ATP1A1: variants seen among roughly 807,000 people sequenced by gnomAD.
ATP1A1 encodes sodium/potassium-transporting ATPase subunit alpha-1.
Under a neutral mutation model 114.8 loss-of-function variants are expected in ATP1A1, and 14 were observed. That is an observed-to-expected ratio of 0.12 (90% CI 0.08 to 0.19). The LOEUF (loss-of-function observed/expected upper bound fraction) is 0.19, where lower values mean the gene tolerates loss of function less well. ATP1A1 is among the 10% of genes least tolerant of loss of function. The pLI is 1.00. For missense variants in ATP1A1, 524 were observed against 1,290.7 expected (o/e 0.41, Z 9.10); for synonymous variants, 471 against 466.3 (o/e 1.01, Z -0.13).
In ATP1A1 at chr1:116,388,446, A is replaced by G. The variant is rs927371555; in HGVS notation, c.502-192A>G. On this transcript the variant is annotated intron_variant, in intron 5 of 22. Coordinates refer to ENST00000295598, the MANE Select transcript of ATP1A1 (RefSeq NM_000701.8). This position sits in a 1 kb window ranked among gnomAD's most constrained non-coding sequence, Gnocchi z 5.6. Reference sequence around the variant, plus strand: ...TCTTTTGAATGTAAACTCTGAATACAGGCACACCATGTAACAGCAATATCT... The same window carrying G: ...TCTTTTGAATGTAAACTCTGAATACGGGCACACCATGTAACAGCAATATCT... 5.2e-6 allele frequency: 5 copies of G among 963,648 alleles called. No individual in the cohort carries two copies. The highest frequency in any genetic ancestry group is 7.6e-6 in the Non-Finnish European group (5 of 661,944). 59.7% of individuals were successfully genotyped at this position (963,648 alleles called of 1,614,324 possible).
chr1:116,402,082 C>T (rs921699241), intron 21 of ATP1A1: 1 of 166,870 alleles, frequency 6.0e-6, no homozygotes, highest in African/African-American at 2.4e-5. Context: ...ACTCTGAATA[C>T]TCTGCTCTCA....
Position 116,399,923 on chromosome 1 carries a change from TTGGA to T in ATP1A1, c.2572+385_2572+388del, listed in dbSNP as rs1403205044. Among the ~76,000 whole-genome samples, 3 of 152,166 alleles carry T rather than the reference TTGGA, an allele frequency of 2.0e-5. No homozygotes were observed. The highest frequency in any genetic ancestry group is 7.2e-5 in the African/African-American group (3 of 41,434). On this transcript the variant is annotated intron_variant, in intron 18 of 22. Transcript: ENST00000295598. The surrounding 1 kb of genome is among the most constrained non-coding windows in gnomAD (Gnocchi z 5.0). The stretch of plus-strand genomic sequence containing the variant: ...AGATACACACTTATCTGTCACTCAC[TTGGA>T]TGGAGTTAGGCATTGGAGAAAGTAT...
chr1:116,390,089 A>G, intron 8 of ATP1A1, 124 bp from the exon 9 acceptor site: 1 of 1,028,084 alleles, frequency 9.7e-7, no homozygotes, highest in East Asian at 2.4e-5. Context: ...ATTTCTTCAA[A>G]CTTCAGAAGA....
chr1:116,380,933 A>G (rs1393973723), intron 1 of ATP1A1, among the ~76,000 whole-genome samples: 1 of 152,062 alleles, frequency 6.6e-6, no homozygotes, highest in Non-Finnish European at 1.5e-5. Flanking sequence ...AAGGGGGAAA[A>G]AAAAAAACCA....
rs571500675 is a variant in ATP1A1, at chr1:116,378,167, G to A, written c.12+4644G>A. On this transcript the variant is annotated intron_variant, in intron 1 of 22. Transcript: ENST00000295598. ...TGTTTCGGATAGCAGATTCTGTTAC[G>A]AAAGAAGTACCCTTCACCCTACACT... is the stretch of plus-strand genomic sequence containing the variant. Among the ~76,000 whole-genome samples the A allele has an allele frequency of 8.5e-5, 13 of 152,274 alleles. No homozygotes were observed. The South Asian group carries it at 2.7e-3, about 32-fold the overall frequency.
chr1:116,388,685 G>A lies in ATP1A1; in HGVS notation c.549G>A (p.Glu183=), dbSNP rs1419889183. 3.7e-6 allele frequency: 6 copies of A among 1,614,198 alleles called. No individual in the cohort carries two copies. Among genetic ancestry groups the A allele is most frequent in the Non-Finnish European group, 5.1e-6 (6 of 1,180,040 alleles). Residue 183 remains glutamate (E), a synonymous_variant, in exon 6 of 23, where the codon GAG becomes GAA. Coordinates refer to ENST00000295598, the MANE Select transcript of ATP1A1 (RefSeq NM_000701.8). The surrounding 1 kb of genome is among the most constrained non-coding windows in gnomAD (Gnocchi z 5.6). ...RNGEKMSINA[E]EVVVGDLVEV... is the part of the protein sequence containing the mutation. Reference sequence around the variant, plus strand: ...GTGAGAAAATGAGCATAAATGCGGAGGAAGTTGTGGTTGGGGATCTGGTGG... The same window carrying A: ...GTGAGAAAATGAGCATAAATGCGGAAGAAGTTGTGGTTGGGGATCTGGTGG...
chr1:116,403,539 TGAAA>T (rs1570985583), intron 21 of ATP1A1, among the ~76,000 whole-genome samples: 1 of 152,208 alleles, frequency 6.6e-6, no homozygotes, highest in Non-Finnish European at 1.5e-5. Context: ...ACTTTAGAAA[TGAAA>T]GAAAGAAAAT....
chr1:116,383,066 G>C (rs914640167), intron 1 of ATP1A1, among the ~76,000 whole-genome samples: 1 of 152,090 alleles, frequency 6.6e-6, no homozygotes, highest in Non-Finnish European at 1.5e-5. Flanking sequence ...TGGGGGAGTG[G>C]AACAATCTAA....
chr1:116,388,597 T>G lies in ATP1A1; in HGVS notation c.502-41T>G. On this transcript the variant is annotated intron_variant, in intron 5 of 22. Transcript: ENST00000295598. This position sits in a 1 kb window ranked among gnomAD's most constrained non-coding sequence, Gnocchi z 5.6. ...TCTTGTTTTGGACACTACCTTCTCT[T>G]TGTTGGTATACTAACGGTGTAAATT... The G allele has an allele frequency of 6.3e-7, 1 of 1,596,126 alleles. No homozygotes were observed. Among genetic ancestry groups the G allele is most frequent in the Non-Finnish European group, 8.5e-7 (1 of 1,170,222 alleles).
At position 116,389,640 on chromosome 1, in the gene ATP1A1, A is replaced by C; in HGVS notation, c.956A>C (p.Glu319Ala). 6.2e-7 allele frequency: 1 copy of C among 1,614,154 alleles called. No individual in the cohort carries two copies. The highest frequency in any genetic ancestry group is 8.5e-7 in the Non-Finnish European group (1 of 1,180,028). ...LSLILEYTWL[E>A]AVIFLIGIIV... ...CTCATCCTTGAGTACACCTGGCTTG[A>C]GGCTGTCATCTTCCTCATCGGTATC... The change falls in exon 8 of 23, where the codon GAG becomes GCG. Residue 319 changes from glutamate to alanine, a missense_variant. This residue lies in a region of ATP1A1 where 28 missense variants were observed against 131.8 expected (regional missense o/e 0.21). Coordinates refer to ENST00000295598, the MANE Select transcript of ATP1A1 (RefSeq NM_000701.8). The surrounding 1 kb of genome is among the most constrained non-coding windows in gnomAD (Gnocchi z 6.9).
chr1:116,401,406 T>G lies in ATP1A1; in HGVS notation c.2849+146T>G, dbSNP rs1359957164. The G allele has an allele frequency of 6.8e-6, 10 of 1,479,804 alleles. No homozygotes were observed. Among genetic ancestry groups the G allele is most frequent in the East Asian group, 4.5e-5 (2 of 44,040 alleles). The allele number at this position is 1,479,804 out of a possible 1,614,324, so 91.7% of individuals were successfully genotyped here. On this transcript the variant is annotated intron_variant, in intron 20 of 22. Coordinates refer to ENST00000295598, the MANE Select transcript of ATP1A1 (RefSeq NM_000701.8). The surrounding 1 kb of genome is among the most constrained non-coding windows in gnomAD (Gnocchi z 4.7). Reference sequence around the variant, plus strand: ...TAGAGCAAATTTAGGAAGCAAGAAATGTAGCTTTCTAGTTTTTTCATCTGA... The same window carrying G: ...TAGAGCAAATTTAGGAAGCAAGAAAGGTAGCTTTCTAGTTTTTTCATCTGA...
rs1553188794 is a variant in ATP1A1 at position 116,373,319 on chromosome 1, G to GGCGGCGGCAGCAACA, written c.-184_-170dup. 3 of 469,322 alleles carry GGCGGCGGCAGCAACA rather than the reference G, an allele frequency of 6.4e-6. No homozygotes were observed. Among genetic ancestry groups the GGCGGCGGCAGCAACA allele is most frequent in the South Asian group, 5.0e-5 (1 of 20,084 alleles). The allele number at this position is 469,322 out of a possible 1,614,324, so 29.1% of individuals were successfully genotyped here. A position where few individuals can be genotyped will look rare whatever the true frequency, so the allele number is the denominator to read the frequency against. Reference sequence around the variant, plus strand: ...ACGTGGCAACAGCGGTAGCAGCCCGGGCGGCGGCAGCAACAGCGGCGGCGG... The same window carrying GGCGGCGGCAGCAACA: ...ACGTGGCAACAGCGGTAGCAGCCCGGGCGGCGGCAGCAACAGCGGCGGCAGCAACAGCGGCGGCGG... On this transcript the variant is annotated 5_prime_UTR_variant, in exon 1 of 23. Transcript: ENST00000295598.
chr1:116,402,854 A>G (rs1053588801), intron 21 of ATP1A1, among the ~76,000 whole-genome samples: 1 of 152,128 alleles, frequency 6.6e-6, no homozygotes. Flanking sequence ...CCTCCCTGCT[A>G]GGTTTTAATC....
chr1:116,400,703 C>T (rs1421641470), intron 18 of ATP1A1, among the ~76,000 whole-genome samples, 158 bp from the exon 19 acceptor site: 2 of 152,104 alleles, frequency 1.3e-5, no homozygotes, highest in Non-Finnish European at 2.9e-5. Context: ...CCCTCATAGC[C>T]TGTGAGTGAC....
rs757829053 is a variant in ATP1A1, at chr1:116,393,745, A to C, written c.1660+22A>C. 8.1e-6 allele frequency: 13 copies of C among 1,605,218 alleles called. No individual in the cohort carries two copies. Among genetic ancestry groups the C allele is most frequent in the Non-Finnish European group, 1.1e-5 (13 of 1,175,830 alleles). On this transcript the variant is annotated intron_variant, in intron 12 of 22. Coordinates refer to ENST00000295598, the MANE Select transcript of ATP1A1 (RefSeq NM_000701.8). The surrounding 1 kb of genome is among the most constrained non-coding windows in gnomAD (Gnocchi z 5.0). ...CTAGGTATGCAGATAACCTGGTAAC[A>C]GAGTGCCTGGGCACGTTTTTATCCA...
intron 1 of ATP1A1, among the ~76,000 whole-genome samples, chr1:116,382,840 A>C (rs1651833601): frequency 6.6e-6 from 1 of 152,248 alleles, no homozygotes; most frequent in Non-Finnish European, 1.5e-5. Context: ...GGAAAGTTAG[A>C]AATGAGTAAA....
At chr1:116,373,847 G>T in intron 1 of ATP1A1, 1 of 1,250,462 alleles carries the variant, frequency 8.0e-7, no homozygotes, top group Non-Finnish European at 1.0e-6. Context: ...AAGCCTCGGG[G>T]CCGGGAGGAG....
intron 1 of ATP1A1, among the ~76,000 whole-genome samples, chr1:116,376,563 A>G (rs573840015): frequency 9.9e-4 from 150 of 152,242 alleles, no homozygotes; most frequent in African/African-American, 3.5e-3. Flanking sequence ...TCAGCGTGTA[A>G]CAGTTCCCTG....
In ATP1A1 at chr1:116,401,282, A is replaced by C. The variant is rs1344841277; in HGVS notation, c.2849+22A>C. ...TGAAGTAAGTAATGAAGGACATGTC[A>C]AGGCCTTGGCTCAAAGAAGGGGACT... On this transcript the variant is annotated intron_variant, in intron 20 of 22. Coordinates refer to ENST00000295598, the MANE Select transcript of ATP1A1 (RefSeq NM_000701.8). The surrounding 1 kb of genome is among the most constrained non-coding windows in gnomAD (Gnocchi z 4.7). 6.2e-7 allele frequency: 1 copy of C among 1,613,558 alleles called. No homozygotes were observed. Among genetic ancestry groups the C allele is most frequent in the Non-Finnish European group, 8.5e-7 (1 of 1,179,576 alleles).
Sources: gnomAD v4.1 joint callset for allele counts (sites outside exome capture counted in the v4.1 genomes callset) on GRCh38, gnomAD v4.1.1 for gene constraint, gnomAD v4.1.1 regional missense constraint, Gnocchi (gnomAD v3.1) non-coding constraint, MANE v1.5 for transcripts, NCBI Gene and HGNC (gene_info 2026-07-23, HGNC 2026-07-21) for gene names.